Variants in PCDH15 observed in about 807,000 individuals in gnomAD.
The protein encoded by PCDH15 is protocadherin-15.
A neutral mutation model predicts 178.5 loss-of-function variants in PCDH15; 129 were observed. That is an observed-to-expected ratio of 0.72 (90% CI 0.63 to 0.84). PCDH15 has a LOEUF of 0.84. PCDH15 is among the 40% of genes least tolerant of loss of function. The probability of loss-of-function intolerance (pLI) is 0.00; values close to 1 mark genes in which losing one functional copy is unlikely to be tolerated. For missense variants in PCDH15, 2,230 were observed against 2,099.9 expected, an observed-to-expected ratio of 1.06 and a Z score of -1.21; for synonymous variants, 800 against 732.0, an observed-to-expected ratio of 1.09 and a Z score of -1.50.
intron 3 of PCDH15, among the ~76,000 whole-genome samples, chr10:54,873,846 C>A (rs1954085463): frequency 6.7e-6 from 1 of 149,772 alleles, no homozygotes; most frequent in South Asian, 2.1e-4. Context: ...AGTGGGCATT[C>A]TGCCTATTAG....
At chr10:55,467,260 A>G (rs1839850095) in intron 2 of PCDH15, among the ~76,000 whole-genome samples, 1 of 152,196 alleles carries the variant, frequency 6.6e-6, no homozygotes, top group African/African-American at 2.4e-5. Context: ...AGGCTAGTTC[A>G]GTAAGACTGT....
At chr10:55,379,121 T>TATATATATATATATATATATATATCA (rs953825079) in intron 2 of PCDH15, among the ~76,000 whole-genome samples, 49 of 151,524 alleles carry the variant, frequency 3.2e-4, no homozygotes, top group African/African-American at 1.2e-3. Flanking sequence ...TATATATATA[T>TATATATATATATATATATATATATCA]ATGTATGTAT....
At chr10:53,834,223 GGAAT>G (rs2077174436) in intron 29 of PCDH15, among the ~76,000 whole-genome samples, 2 of 152,066 alleles carry the variant, frequency 1.3e-5, no homozygotes, top group Non-Finnish European at 2.9e-5. Flanking sequence ...GAGAGAAAGT[GGAAT>G]TCTTTTACCA....
intron 2 of PCDH15, among the ~76,000 whole-genome samples, chr10:54,659,520 AGGTG>A (rs765757493): frequency 1.3e-5 from 2 of 152,172 alleles, no homozygotes; most frequent in Non-Finnish European, 2.9e-5. Flanking sequence ...TGGGAGGCTG[AGGTG>A]GGTGGATCAT....
chr10:55,260,599 G>T (rs1039532686), intron 1 of PCDH15, among the ~76,000 whole-genome samples: 6 of 151,886 alleles, frequency 4.0e-5, no homozygotes, highest in Non-Finnish European at 1.5e-5. Flanking sequence ...TTAAAAAAAA[G>T]AAGATTAGTT....
chr10:55,264,703 T>G (rs571890532), intron 1 of PCDH15, among the ~76,000 whole-genome samples: 3 of 152,184 alleles, frequency 2.0e-5, no homozygotes, highest in Non-Finnish European at 4.4e-5. Context: ...CCACTGGGAC[T>G]GTTTTGACCC....
chr10:54,337,699 C>T (rs7077628), intron 6 of PCDH15, among the ~76,000 whole-genome samples: 10,613 of 152,182 alleles, frequency 0.07, 477 homozygotes, highest in African/African-American at 0.12. Context: ...CTGACAGAAA[C>T]TTCTGGTTTG....
intron 2 of PCDH15, among the ~76,000 whole-genome samples, chr10:55,137,159 C>A (rs958981869): frequency 2.0e-5 from 3 of 152,066 alleles, no homozygotes; most frequent in African/African-American, 7.2e-5. Flanking sequence ...AGTCATGTAC[C>A]GCATGATATT....
chr10:55,336,428 G>A (rs1311408487), intron 2 of PCDH15, among the ~76,000 whole-genome samples: 1 of 152,108 alleles, frequency 6.6e-6, no homozygotes, highest in African/African-American at 2.4e-5. Flanking sequence ...AACCCAGGAG[G>A]CAGAGGTTGC....
intron 2 of PCDH15, among the ~76,000 whole-genome samples, chr10:55,068,613 T>C (rs749194221): frequency 1.4e-4 from 21 of 152,124 alleles, no homozygotes; most frequent in Non-Finnish European, 2.9e-4. Flanking sequence ...TAGGATATTT[T>C]TTATTTCTGT....
At chr10:54,925,062 C>CT (rs1472773451) in intron 2 of PCDH15, among the ~76,000 whole-genome samples, 1 of 151,974 alleles carries the variant, frequency 6.6e-6, no homozygotes, top group Non-Finnish European at 1.5e-5. Context: ...GTCTTCTAGG[C>CT]TTTTTTATAG....
At chr10:55,580,352 A>ATT (rs1282426702) in intron 2 of PCDH15, among the ~76,000 whole-genome samples, 2 of 134,180 alleles carry the variant, frequency 1.5e-5, no homozygotes, top group Non-Finnish European at 1.6e-5. Flanking sequence ...CATTTTTTTT[A>ATT]TTTTTTTATT....
chr10:54,893,994 G>T (rs186502088), intron 3 of PCDH15, among the ~76,000 whole-genome samples: 87 of 152,150 alleles, frequency 5.7e-4, no homozygotes, highest in African/African-American at 1.9e-3. Flanking sequence ...TAATCTGTTT[G>T]CTTGCTGTTT....
At chr10:55,539,074 G>GGCTTCCTTCCTCCCTTCCTT (rs370190032) in intron 2 of PCDH15, among the ~76,000 whole-genome samples, 1 of 120,712 alleles carries the variant, frequency 8.3e-6, no homozygotes, top group Non-Finnish European at 1.7e-5. Flanking sequence ...CTCTCTTCCT[G>GGCTTCCTTCCTCCCTTCCTT]GCTTCCTTCC....
rs149980759 is a variant in PCDH15, at chr10:54,960,725, T to C, written c.-79-63225A>G. On this transcript the variant is annotated intron_variant, in intron 2 of 5. Transcript: ENST00000458638. ...TTGAAATTTGTACCTATAGTAGAAA[T>C]AGATGACTGAATGCTTTTTTATAAG... Among the ~76,000 whole-genome samples, 48 of 152,338 alleles carry C rather than the reference T, an allele frequency of 3.2e-4. 1 individual carries two copies. The East Asian group carries it at 7.9e-3, about 25-fold the overall frequency.
intron 18 of PCDH15, among the ~76,000 whole-genome samples, chr10:54,059,631 G>C (rs1413560704): frequency 1.3e-5 from 2 of 152,168 alleles, no homozygotes; most frequent in Non-Finnish European, 2.9e-5. Context: ...AATCTCTGTG[G>C]TATAGAGTAT....
chr10:54,604,988 T>C (rs1363819004), intron 2 of PCDH15, among the ~76,000 whole-genome samples: 1 of 151,818 alleles, frequency 6.6e-6, no homozygotes, highest in Non-Finnish European at 1.5e-5. Flanking sequence ...AAAATATAAT[T>C]ATAATAATCT....
chr10:54,087,872 C>T (rs971347145), intron 16 of PCDH15, among the ~76,000 whole-genome samples: 1 of 152,136 alleles, frequency 6.6e-6, no homozygotes, highest in African/African-American at 2.4e-5. Flanking sequence ...TGGTCCTGCT[C>T]TCTTGATAGA....
chr10:53,829,795 T>A lies in PCDH15; in HGVS notation c.4203-1222A>T, dbSNP rs143328320. On this transcript the variant is annotated intron_variant, in intron 30 of 37. Transcript: ENST00000644397. The stretch of plus-strand genomic sequence containing the variant: ...CATGCAGCAAGCCCTAGTTATACTC[T>A]TGGCCTCACTTTGAAAACGGAGCTA... Among the ~76,000 whole-genome samples the A allele has an allele frequency of 2.6e-5, 4 of 152,308 alleles. No individual in the cohort carries two copies. The East Asian group carries it at 7.7e-4, about 30-fold the overall frequency.
Sources: allele counts gnomAD v4.1 joint callset (sites outside exome capture counted in the v4.1 genomes callset), GRCh38; gene constraint gnomAD v4.1.1; transcripts MANE v1.5; gene names NCBI Gene and HGNC (gene_info 2026-07-23, HGNC 2026-07-21).